Variants in HMOX2 observed in about 807,000 individuals in gnomAD.
HMOX2 encodes the protein heme oxygenase 2.
HMOX2 carries 30 observed loss-of-function variants against 33.7 expected under a neutral mutation model. That is an observed-to-expected ratio of 0.89 (90% CI 0.67 to 1.21). The LOEUF (loss-of-function observed/expected upper bound fraction) is 1.21, where lower values mean the gene tolerates loss of function less well. HMOX2 is among the 50% of genes most tolerant of loss of function. The pLI is 0.00. For missense variants in HMOX2, 403 were observed against 399.1 expected, an observed-to-expected ratio of 1.01 and a Z score of -0.08; for synonymous variants, 155 against 155.0, an observed-to-expected ratio of 1.00 and a Z score of 0.00.
At chr16:4,506,262 A>C (rs1227401112) in intron 2 of HMOX2, among the ~76,000 whole-genome samples, 3 of 152,164 alleles carry the variant, frequency 2.0e-5, no homozygotes. Flanking sequence ...CTTTAGGATC[A>C]CATGTTTTCT....
At chr16:4,494,598 G>A (rs777694448) in intron 1 of HMOX2, among the ~76,000 whole-genome samples, 1 of 152,152 alleles carries the variant, frequency 6.6e-6, no homozygotes, top group African/African-American at 2.4e-5. Flanking sequence ...ATAAGTTTGG[G>A]TGGGGTGCAG....
chr16:4,498,659 G>A (rs1454042722), intron 1 of HMOX2, among the ~76,000 whole-genome samples: 1 of 152,170 alleles, frequency 6.6e-6, no homozygotes, highest in African/African-American at 2.4e-5. Context: ...ATAGGTGTGA[G>A]CCACTGCACC....
In HMOX2 at chr16:4,509,876, G is replaced by A. The variant is rs967206879; in HGVS notation, c.*120G>A. Reference sequence around the variant, plus strand: ...TTTAAAAAATGCTGGGTTTAAGAAAGGCAACCAATAAAAGCCAGATGCTAG... The same window carrying A: ...TTTAAAAAATGCTGGGTTTAAGAAAAGCAACCAATAAAAGCCAGATGCTAG... On this transcript the variant is annotated 3_prime_UTR_variant, in exon 6 of 6. Transcript: ENST00000570646. 3.4e-6 allele frequency: 4 copies of A among 1,169,404 alleles called. No individual in the cohort carries two copies. The highest frequency in any genetic ancestry group is 3.6e-6 in the Non-Finnish European group (3 of 841,946). The allele number at this position is 1,169,404 out of a possible 1,614,324, so 72.4% of individuals were successfully genotyped here.
chr16:4,495,162 G>A (rs747466047), intron 1 of HMOX2, among the ~76,000 whole-genome samples: 1 of 152,170 alleles, frequency 6.6e-6, no homozygotes, highest in Non-Finnish European at 1.5e-5. Context: ...TGCAAATCAG[G>A]CCCTATATAC....
rs568393648 is a variant in HMOX2 at position 4,480,177 on chromosome 16, A to C, written c.-42+3690A>C. The stretch of plus-strand genomic sequence containing the variant: ...GTTCTCCTGCCTCAGCCTTCCAAGT[A>C]ACTGGGACTACAGGCATGCACCACC... On this transcript the variant is annotated intron_variant, in intron 1 of 5. Coordinates refer to ENST00000570646, the MANE Select transcript of HMOX2 (RefSeq NM_002134.4). Among the ~76,000 whole-genome samples, 6 of 151,188 alleles carry C rather than the reference A, an allele frequency of 4.0e-5. No individual in the cohort carries two copies. In the East Asian group the frequency reaches 9.7e-4, roughly 24 times the overall value.
intron 1 of HMOX2, among the ~76,000 whole-genome samples, chr16:4,481,357 A>AG (rs2058026762): frequency 6.6e-6 from 1 of 151,880 alleles, no homozygotes; most frequent in African/African-American, 2.4e-5. Context: ...TCAAAAAAAA[A>AG]AAAAAAAAGA....
At chr16:4,491,028 T>C (rs930454642) in intron 1 of HMOX2, among the ~76,000 whole-genome samples, 5 of 152,202 alleles carry the variant, frequency 3.3e-5, no homozygotes, top group African/African-American at 7.2e-5. Context: ...CTTTCAGTTG[T>C]GACAACTAAA....
intron 1 of HMOX2, chr16:4,488,825 CTT>C (rs36017534): frequency 2.6e-3 from 334 of 130,446 alleles, no homozygotes; most frequent in Non-Finnish European, 2.4e-3. Context: ...CTGTACATTT[CTT>C]TTTTTTTTTT....
intron 1 of HMOX2, among the ~76,000 whole-genome samples, chr16:4,500,994 GGAAA>G (rs942598481): frequency 6.6e-6 from 1 of 152,098 alleles, no homozygotes; most frequent in Admixed American, 6.6e-5. Flanking sequence ...TTTGGAAATG[GGAAA>G]GAGAGAGGGT....
rs974922077 is a variant in HMOX2, at chr16:4,485,155, C to T, written c.-42+8668C>T. On this transcript the variant is annotated intron_variant, in intron 1 of 5. Coordinates refer to ENST00000570646, the MANE Select transcript of HMOX2 (RefSeq NM_002134.4). The stretch of plus-strand genomic sequence containing the variant: ...TAATTTTTATATTTTTAGCAGATTC[C>T]GGGTTTCACCATGTTGGCCAGGCTG... Among the ~76,000 whole-genome samples the T allele has an allele frequency of 6.6e-5, 10 of 151,644 alleles. 1 individual carries two copies. Among genetic ancestry groups the T allele is most frequent in the South Asian group, 6.3e-4 (3 of 4,788 alleles).
chr16:4,501,076 T>TG lies in HMOX2; in HGVS notation c.-41-4407dup, dbSNP rs1762057812. Among the ~76,000 whole-genome samples the TG allele has an allele frequency of 2.0e-5, 3 of 152,170 alleles. No individual in the cohort carries two copies. The South Asian group carries it at 6.2e-4, about 32-fold the overall frequency. On this transcript the variant is annotated intron_variant, in intron 1 of 5. Transcript: ENST00000570646. ...GAGCTTCCATTGACTAGTTAGTTAATGCAGTGCGGGATCTTAGCTGGTTTG... is the reference window on the plus strand; with the variant it reads ...GAGCTTCCATTGACTAGTTAGTTAATGGCAGTGCGGGATCTTAGCTGGTTTG...
At chr16:4,484,484 G>A (rs1461416446) in intron 1 of HMOX2, among the ~76,000 whole-genome samples, 7 of 129,934 alleles carry the variant, frequency 5.4e-5, no homozygotes, top group Admixed American at 4.0e-4. Context: ...TTTTTGAGAC[G>A]GAGTCTTGCA....
intron 1 of HMOX2, chr16:4,481,813 G>A (rs8057858): frequency 6.6e-6 from 1 of 152,038 alleles, no homozygotes; most frequent in Non-Finnish European, 1.5e-5. Context: ...CTGCTGTTGT[G>A]TCTGGCAAGA....
At chr16:4,482,273 C>G (rs1380988160) in intron 1 of HMOX2, among the ~76,000 whole-genome samples, 3 of 152,116 alleles carry the variant, frequency 2.0e-5, no homozygotes, top group Admixed American at 1.3e-4. Context: ...ATATGCTGTT[C>G]TGAGAAACTA....
rs745719338 is a variant in HMOX2 at position 4,509,492 on chromosome 16, A to G, written c.777A>G (p.Lys259=). The G allele has an allele frequency of 6.2e-6, 10 of 1,614,072 alleles. No individual in the cohort carries two copies. The highest frequency in any genetic ancestry group is 1.6e-4 in the Middle Eastern group (1 of 6,084). The change falls in exon 5 of 6, where the codon AAA becomes AAG. Residue 259 remains lysine (K), a synonymous_variant. Coordinates refer to ENST00000570646, the MANE Select transcript of HMOX2 (RefSeq NM_002134.4). ...LEDGFPVHDG[K]GDMRKCPFYA... ...ATGGGTTCCCTGTACACGATGGGAA[A>G]GGAGACATGCGTAAATGCCCTTTCT... is the stretch of plus-strand genomic sequence containing the variant.
chr16:4,482,977 A>G (rs2058068080), intron 1 of HMOX2, among the ~76,000 whole-genome samples: 1 of 151,952 alleles, frequency 6.6e-6, no homozygotes, highest in Non-Finnish European at 1.5e-5. Context: ...TTGCAGTGAA[A>G]TGAGATCACG....
In HMOX2 at chr16:4,506,925, A is replaced by T; in HGVS notation, c.117A>T (p.Glu39Asp). 6.2e-7 allele frequency: 1 copy of T among 1,614,074 alleles called. No individual in the cohort carries two copies. Among genetic ancestry groups the T allele is most frequent in the Non-Finnish European group, 8.5e-7 (1 of 1,179,912 alleles). The change falls in exon 3 of 6, where the codon GAA (glutamate) becomes GAT (aspartate). Residue 39 changes from glutamate (E) to aspartate (D), a missense_variant. Physicochemically the swap from Glu to Asp is conservative, Grantham distance 45. Transcript: ENST00000570646. ...CTGACCTCTCGGAGCTCCTGAAGGA[A>T]GGGACCAAGGAAGCACACGACCGGG... is the stretch of plus-strand genomic sequence containing the variant. ...RMADLSELLK[E>D]GTKEAHDRAE...
intron 1 of HMOX2, among the ~76,000 whole-genome samples, chr16:4,492,041 C>T (rs2058317820): frequency 2.0e-5 from 3 of 152,088 alleles, no homozygotes; most frequent in Admixed American, 6.6e-5. Flanking sequence ...GCCATACAGG[C>T]AGCATCAAAA....
intron 1 of HMOX2, among the ~76,000 whole-genome samples, chr16:4,483,909 G>A (rs113204534): frequency 6.6e-6 from 1 of 151,700 alleles, no homozygotes; most frequent in Admixed American, 6.6e-5. Context: ...GCTGCATCCA[G>A]CCTCAAATTT....
Sources: gnomAD v4.1 joint callset for allele counts (sites outside exome capture counted in the v4.1 genomes callset) on GRCh38, gnomAD v4.1.1 for gene constraint, MANE v1.5 for transcripts, NCBI Gene and HGNC (gene_info 2026-07-23, HGNC 2026-07-21) for gene names.